The following COL18A1 variants were observed in gnomAD, a reference collection of about 807,000 sequenced individuals.
COL18A1 encodes collagen type XVIII alpha 1 chain.
Under a neutral mutation model 168.0 loss-of-function variants are expected in COL18A1, and 133 were observed. The observed-to-expected ratio is 0.79, with a 90% CI of 0.69 to 0.91. The LOEUF is 0.91. Ranked by LOEUF, COL18A1 falls within the 40% of genes least tolerant of loss-of-function variation. The pLI is 0.00. For synonymous variants in COL18A1, 949 were observed against 809.0 expected (o/e 1.17, Z -2.94); for missense variants, 2,126 against 1,925.4 (o/e 1.10, Z -1.95).
At chr21:45,469,440 G>A (rs903344369) in intron 3 of COL18A1, among the ~76,000 whole-genome samples, 2 of 152,262 alleles carry the variant, frequency 1.3e-5, no homozygotes, top group East Asian at 1.9e-4. Flanking sequence ...AAAGGGTGCA[G>A]CAACCCACGC....
In COL18A1 at chr21:45,484,442, C is replaced by G. The variant is rs543169399; in HGVS notation, c.1701+1621C>G. On this transcript the variant is annotated intron_variant, in intron 15 of 41. Coordinates refer to ENST00000651438, the MANE Select transcript of COL18A1 (RefSeq NM_001379500.1). ...CCAGCATATGTGAGCACACACACACCTCTCCAGCATGTGTGCACACACATG... is the reference window on the plus strand; with the variant it reads ...CCAGCATATGTGAGCACACACACACGTCTCCAGCATGTGTGCACACACATG... 2.8e-3 allele frequency among the ~76,000 whole-genome samples: 418 copies of G among 149,460 alleles called. 2 individuals carry two copies. The highest frequency in any genetic ancestry group is 1.0e-2 in the African/African-American group (405 of 40,590).
In COL18A1 at chr21:45,507,639, G is replaced by GA. The variant is rs574566350; in HGVS notation, c.3249+47dup. 3.4e-4 allele frequency: 539 copies of GA among 1,568,572 alleles called. 1 individual carries two copies. The highest frequency in any genetic ancestry group is 4.5e-4 in the Non-Finnish European group (510 of 1,141,458). On this transcript the variant is annotated intron_variant, in intron 38 of 41. Coordinates refer to ENST00000651438, the MANE Select transcript of COL18A1 (RefSeq NM_001379500.1). ...TGAGACTGGTGGGTGGTCAGGACATGAGGGGGTATGTGCTGTCCCCTGTTT... is the reference window on the plus strand; with the variant it reads ...TGAGACTGGTGGGTGGTCAGGACATGAAGGGGGTATGTGCTGTCCCCTGTTT...
At chr21:45,477,318 G>C (rs2035711757) in intron 6 of COL18A1, 93 bp from the exon 7 acceptor site, 1 of 968,264 alleles carries the variant, frequency 1.0e-6, no homozygotes, top group Non-Finnish European at 1.6e-6. Context: ...AGGACTGAAA[G>C]CGTTTGGGCT....
intron 18 of COL18A1, among the ~76,000 whole-genome samples, chr21:45,489,232 T>C (rs992610808): frequency 1.2e-4 from 18 of 152,218 alleles, no homozygotes; most frequent in African/African-American, 4.1e-4. Flanking sequence ...GGGTTCCTCT[T>C]GCAGTCTGCA....
intron 5 of COL18A1, among the ~76,000 whole-genome samples, 199 bp from the exon 6 acceptor site, chr21:45,476,152 C>G (rs553882205): frequency 6.6e-6 from 1 of 152,206 alleles, no homozygotes; most frequent in South Asian, 2.1e-4. Flanking sequence ...TCCTGGGGAG[C>G]CGGGGAGCCC....
intron 26 of COL18A1, 120 bp from the exon 27 acceptor site, chr21:45,494,425 G>A: frequency 1.4e-6 from 2 of 1,433,848 alleles, no homozygotes; most frequent in Non-Finnish European, 2.0e-6. Context: ...CCCTTAGGGA[G>A]GCTATCAGGT....
chr21:45,450,772 G>A (rs573013125), intron 2 of COL18A1, among the ~76,000 whole-genome samples: 1 of 152,314 alleles, frequency 6.6e-6, no homozygotes, highest in African/African-American at 2.4e-5. Context: ...GCCAGTGCAT[G>A]TGACCTCCCC....
At chr21:45,495,539 C>T (rs1264100091) in intron 29 of COL18A1, 107 bp downstream of exon 29, 1 of 921,270 alleles carries the variant, frequency 1.1e-6, no homozygotes, top group Non-Finnish European at 1.7e-6. Flanking sequence ...CACTTATAAG[C>T]AGCCCTGCCA....
intron 2 of COL18A1, among the ~76,000 whole-genome samples, chr21:45,447,366 G>A (rs1248775284): frequency 6.6e-6 from 1 of 151,920 alleles, no homozygotes; most frequent in African/African-American, 2.4e-5. Flanking sequence ...AGGTTGCAGG[G>A]TATAAAATCA....
At chr21:45,450,335 C>A (rs1482522920) in intron 2 of COL18A1, among the ~76,000 whole-genome samples, 3 of 152,182 alleles carry the variant, frequency 2.0e-5, no homozygotes, top group Non-Finnish European at 1.5e-5. Flanking sequence ...CCTCCCCCAG[C>A]CTTCAGGGTC....
intron 2 of COL18A1, among the ~76,000 whole-genome samples, chr21:45,461,462 A>T (rs924052779): frequency 1.3e-5 from 2 of 151,850 alleles, no homozygotes; most frequent in African/African-American, 4.8e-5. Context: ...ACCAGTCCCT[A>T]CCCCTTATCA....
intron 2 of COL18A1, among the ~76,000 whole-genome samples, chr21:45,452,766 G>C (rs2034658052): frequency 6.6e-6 from 1 of 150,886 alleles, no homozygotes; most frequent in South Asian, 2.1e-4. Flanking sequence ...GTATGCATGT[G>C]AGTATTCACT....
intron 34 of COL18A1, 86 bp from the exon 35 acceptor site, chr21:45,505,048 T>A: frequency 6.6e-7 from 1 of 1,524,444 alleles, no homozygotes; most frequent in Non-Finnish European, 8.9e-7. Context: ...GCCAAGGGGG[T>A]CTTGGCAGCT....
chr21:45,505,122 C>T lies in COL18A1; in HGVS notation c.2869-12C>T, dbSNP rs755471740. 47 of 1,606,738 alleles carry T rather than the reference C, an allele frequency of 2.9e-5. No individual in the cohort carries two copies. Among genetic ancestry groups the T allele is most frequent in the Admixed American group, 1.8e-4 (11 of 59,584 alleles). On this transcript the variant is annotated splice_polypyrimidine_tract_variant and intron_variant, in intron 34 of 41. Coordinates refer to ENST00000651438, the MANE Select transcript of COL18A1 (RefSeq NM_001379500.1). The stretch of plus-strand genomic sequence containing the variant: ...GAGGTAACCAGGAAGCGTCTCTTGT[C>T]GCCGTCCGTAGGGTCCCAAGGGAGA...
rs571316330 is a variant in COL18A1 at position 45,468,968 on chromosome 21, C to T, written c.651+182C>T. Among the ~76,000 whole-genome samples, 8 of 152,276 alleles carry T rather than the reference C, an allele frequency of 5.3e-5. No individual in the cohort carries two copies. The South Asian group carries it at 1.2e-3, about 24-fold the overall frequency. ...TTGGCTGCTCAGCCCTGGCCTCCGG[C>T]GCAGGCCTCCCGGGTTCTTGGCCGG... is the stretch of plus-strand genomic sequence containing the variant. On this transcript the variant is annotated intron_variant, in intron 3 of 41. Transcript: ENST00000651438.
chr21:45,453,811 C>T (rs1007064952), intron 2 of COL18A1, among the ~76,000 whole-genome samples: 19 of 152,290 alleles, frequency 1.2e-4, no homozygotes, highest in African/African-American at 4.3e-4. Context: ...GCTCTCCCTC[C>T]ATTGCTAGGC....
At chr21:45,478,117 G>A in intron 8 of COL18A1, 152 bp downstream of exon 8, 1 of 760,946 alleles carries the variant, frequency 1.3e-6, no homozygotes, top group Non-Finnish European at 2.2e-6. Context: ...CGGGGTTGGT[G>A]CTGGAAGGTG....
At chr21:45,501,646 G>C (rs1257820694) in intron 32 of COL18A1, among the ~76,000 whole-genome samples, 1 of 151,580 alleles carries the variant, frequency 6.6e-6, no homozygotes, top group East Asian at 1.9e-4. Flanking sequence ...CTCCCAGGTG[G>C]TGGGGCCTCC....
At chr21:45,500,088 T>TG (rs1013814023) in intron 32 of COL18A1, among the ~76,000 whole-genome samples, 8 of 81,056 alleles carry the variant, frequency 9.9e-5, no homozygotes, top group African/African-American at 4.3e-4. Context: ...GTGTGTGGAG[T>TG]GTGTGTATGT....
Sources: allele counts gnomAD v4.1 joint callset (sites outside exome capture counted in the v4.1 genomes callset), GRCh38; gene constraint gnomAD v4.1.1; transcripts MANE v1.5; gene names NCBI Gene and HGNC (gene_info 2026-07-23, HGNC 2026-07-21).